Variants in RAI14 observed in about 807,000 individuals in gnomAD.
RAI14 encodes the protein retinoic acid induced 14, also known as ankycorbin.
A neutral mutation model predicts 115.4 loss-of-function variants in RAI14; 45 were observed. The observed-to-expected ratio is 0.39, with a 90% confidence interval of 0.31 to 0.50. RAI14 has a LOEUF of 0.50. Among genes scored for constraint, RAI14 ranks in the 20% least tolerant of loss-of-function variants. RAI14 has a pLI of 0.85. For synonymous variants in RAI14, 371 were observed against 415.4 expected (o/e 0.89, Z 1.30); for missense variants, 939 against 1,131.2 (o/e 0.83, Z 2.44).
At chr5:34,750,706 A>G (rs1561309096) in intron 2 of RAI14, among the ~76,000 whole-genome samples, 4 of 152,150 alleles carry the variant, frequency 2.6e-5, no homozygotes, top group Non-Finnish European at 2.9e-5. Context: ...TAAAGTGAGC[A>G]TCTGAGGAGC....
chr5:34,809,811 G>T (rs1386823516), intron 7 of RAI14, among the ~76,000 whole-genome samples: 1 of 151,834 alleles, frequency 6.6e-6, no homozygotes, highest in African/African-American at 2.4e-5. Flanking sequence ...CTTTCTTTCT[G>T]CACTTGGATA....
intron 2 of RAI14, among the ~76,000 whole-genome samples, chr5:34,750,943 C>T (rs2150072064): frequency 7.2e-6 from 1 of 139,740 alleles, no homozygotes; most frequent in African/African-American, 2.8e-5. Flanking sequence ...ACCTTTGCCT[C>T]CCAGGTTCAA....
Position 34,823,991 on chromosome 5 carries a change from AAAC to A in RAI14, c.2153_2155del (p.Gln718del), listed in dbSNP as rs2150302446. 1.2e-6 allele frequency: 2 copies of A among 1,613,814 alleles called. No individual in the cohort carries two copies. The highest frequency in any genetic ancestry group is 1.1e-5 in the South Asian group (1 of 91,042). ...AGTGTTGAATGAGTTGACCCAGCTCAAACAACTGGTGGATGCACAAAAAGAGAA... is the reference window on the plus strand; with the variant it reads ...AGTGTTGAATGAGTTGACCCAGCTCAAACTGGTGGATGCACAAAAAGAGAA... On this transcript the variant is annotated inframe_deletion, in exon 15 of 18. Coordinates refer to ENST00000265109, the MANE Select transcript of RAI14 (RefSeq NM_015577.3). The surrounding 1 kb of genome is among the most constrained non-coding windows in gnomAD (Gnocchi z 4.5).
rs1758032247 is a variant in RAI14 at position 34,831,799 on chromosome 5, G to A, written c.*1034G>A. On this transcript the variant is annotated 3_prime_UTR_variant, in exon 18 of 18. Transcript: ENST00000265109. The stretch of plus-strand genomic sequence containing the variant: ...ATGTATGCCAGACCTAATATGAGCT[G>A]CCACCAACACCCCTAGAACTTTCAG... 1 of 152,092 alleles carries A rather than the reference G, an allele frequency of 6.6e-6. No homozygotes were observed. The highest frequency in any genetic ancestry group is 6.6e-5 in the Admixed American group (1 of 15,264). The allele number at this position is 152,092 out of a possible 1,614,324, so 9.4% of individuals were successfully genotyped here.
chr5:34,752,701 A>ATGTGTGTGTG (rs764853413), intron 2 of RAI14, among the ~76,000 whole-genome samples: 30 of 90,260 alleles, frequency 3.3e-4, no homozygotes, highest in Non-Finnish European at 4.6e-4. Context: ...TTTCTTACAT[A>ATGTGTGTGTG]TATGTGTGTG....
At chr5:34,825,631 T>C (rs1757360539) in intron 15 of RAI14, among the ~76,000 whole-genome samples, 2 of 151,704 alleles carry the variant, frequency 1.3e-5, no homozygotes, top group African/African-American at 4.8e-5. Flanking sequence ...CAATTTGAGA[T>C]GGCGCTGGAC....
chr5:34,692,932 C>T (rs751449320), intron 2 of RAI14, among the ~76,000 whole-genome samples: 14 of 152,100 alleles, frequency 9.2e-5, no homozygotes, highest in Middle Eastern at 3.2e-3. Flanking sequence ...GTGAGGGCTG[C>T]GAGGGCGAAT....
chr5:34,716,506 G>A (rs1742018035), intron 2 of RAI14, among the ~76,000 whole-genome samples: 2 of 152,048 alleles, frequency 1.3e-5, no homozygotes, highest in South Asian at 4.2e-4. Flanking sequence ...TCCACCTCCT[G>A]GGTTCAAGTG....
At chr5:34,790,015 A>C (rs1204992486) in intron 3 of RAI14, among the ~76,000 whole-genome samples, 1 of 152,164 alleles carries the variant, frequency 6.6e-6, no homozygotes, top group Non-Finnish European at 1.5e-5. Flanking sequence ...GGAAGCTTTA[A>C]TTTTTCAAAA....
chr5:34,803,681 A>G, intron 4 of RAI14, 31 bp from the exon 5 acceptor site: 3 of 1,555,120 alleles, frequency 1.9e-6, no homozygotes, highest in Non-Finnish European at 2.6e-6. Flanking sequence ...GCCTTTTTAA[A>G]AAAAATTATT....
intron 2 of RAI14, among the ~76,000 whole-genome samples, chr5:34,708,765 T>A (rs2149955819): frequency 6.6e-6 from 1 of 152,276 alleles, no homozygotes. Context: ...GGGTAATTGA[T>A]TATAAAAGAC....
At chr5:34,673,514 C>T (rs568478990) in intron 1 of RAI14, among the ~76,000 whole-genome samples, 1 of 152,344 alleles carries the variant, frequency 6.6e-6, no homozygotes, top group East Asian at 1.9e-4. Context: ...TGCAATTGTG[C>T]TGTTGAAGAT....
chr5:34,829,764 A>G lies in RAI14; in HGVS notation c.2832A>G (p.Ser944=), dbSNP rs1757838122. The G allele has an allele frequency of 1.2e-6, 2 of 1,612,362 alleles. No individual in the cohort carries two copies. The highest frequency in any genetic ancestry group is 1.3e-5 in the African/African-American group (1 of 74,994). ...AGAAACAACACCAGGAGGTCATATC[A>G]GTTTACAGAATGCATCTTCTGTATG... is the stretch of plus-strand genomic sequence containing the variant. ...ECKKQHQEVI[S]VYRMHLLYAV... Residue 944 remains serine, a synonymous_variant, in exon 17 of 18, where the codon TCA becomes TCG. Coordinates refer to ENST00000265109, the MANE Select transcript of RAI14 (RefSeq NM_015577.3).
chr5:34,723,468 G>C (rs892884934), intron 2 of RAI14, among the ~76,000 whole-genome samples: 2 of 152,132 alleles, frequency 1.3e-5, no homozygotes, highest in Admixed American at 1.3e-4. Flanking sequence ...TGAAGCCCAC[G>C]TACATTATGG....
chr5:34,786,554 G>A (rs1752323928), intron 3 of RAI14, among the ~76,000 whole-genome samples: 2 of 152,132 alleles, frequency 1.3e-5, no homozygotes, highest in Non-Finnish European at 2.9e-5. Flanking sequence ...TTGTGAAAAG[G>A]TTCCAAGGTG....
intron 3 of RAI14, among the ~76,000 whole-genome samples, chr5:34,786,042 C>T (rs1752253869): frequency 6.6e-6 from 1 of 152,224 alleles, no homozygotes; most frequent in South Asian, 2.1e-4. Context: ...AGCTTTTGTG[C>T]AGCATACATC....
intron 3 of RAI14, among the ~76,000 whole-genome samples, chr5:34,776,411 G>A (rs1482766595): frequency 6.6e-6 from 1 of 152,208 alleles, no homozygotes; most frequent in East Asian, 1.9e-4. Context: ...ATAGCTGAAA[G>A]AGTATAATTG....
At chr5:34,711,635 G>A (rs927673963) in intron 2 of RAI14, among the ~76,000 whole-genome samples, 4 of 152,182 alleles carry the variant, frequency 2.6e-5, no homozygotes, top group African/African-American at 9.7e-5. Context: ...TTATTAAAAA[G>A]GCCCCAGAGA....
chr5:34,822,459 T>C (rs549244458), intron 14 of RAI14, among the ~76,000 whole-genome samples: 9 of 151,174 alleles, frequency 6.0e-5, no homozygotes, highest in African/African-American at 2.2e-4. Flanking sequence ...AAAACAATTT[T>C]AGTGTTTTCA....
Sources: allele counts gnomAD v4.1 joint callset (sites outside exome capture counted in the v4.1 genomes callset), GRCh38; gene constraint gnomAD v4.1.1; non-coding constraint Gnocchi (gnomAD v3.1); transcripts MANE v1.5; gene names NCBI Gene and HGNC (gene_info 2026-07-23, HGNC 2026-07-21).